TMEM25: variants seen among roughly 807,000 people sequenced by gnomAD.
TMEM25 encodes the protein transmembrane protein 25.
Under a neutral mutation model 37.0 loss-of-function variants are expected in TMEM25, and 36 were observed. The ratio of observed to expected loss-of-function variants is 0.97; its 90% CI spans 0.75 to 1.28. The LOEUF (loss-of-function observed/expected upper bound fraction) is 1.28. Among genes scored for constraint, TMEM25 ranks in the 50% most tolerant of loss-of-function variants. The probability of loss-of-function intolerance (pLI) is 0.00; values close to 1 mark genes in which losing one functional copy is unlikely to be tolerated. For synonymous variants in TMEM25, 197 were observed against 203.7 expected (o/e 0.97, Z 0.28); for missense variants, 444 against 477.9 (o/e 0.93, Z 0.66).
chr11:118,532,269 G>A lies in TMEM25; in HGVS notation c.190G>A (p.Ala64Thr). The A allele has an allele frequency of 6.2e-7, 1 of 1,614,148 alleles. No individual in the cohort carries two copies. Among genetic ancestry groups the A allele is most frequent in the Non-Finnish European group, 8.5e-7 (1 of 1,180,014 alleles). ...AGGGGGGCCTGGCACCCCCAGATTG[G>A]CCTGGTATCTGGATGGACAGCTGCA... ...VAGGPGTPRL[A>T]WYLDGQLQEA... Residue 64 changes from alanine (A) to threonine (T), a missense_variant, in exon 3 of 9, where the codon GCC becomes ACC. Coordinates refer to ENST00000313236, the MANE Select transcript of TMEM25 (RefSeq NM_032780.4).
At chr11:118,531,335 A>T (rs1951245321) in intron 1 of TMEM25, 101 bp downstream of exon 1, 1 of 329,770 alleles carries the variant, frequency 3.0e-6, no homozygotes, top group Non-Finnish European at 5.7e-6. Context: ...CACCAACATC[A>T]GGAAAGGGGG....
downstream of TMEM25, among the ~76,000 whole-genome samples, chr11:118,538,719 C>T (rs1048297202): frequency 6.6e-6 from 1 of 151,772 alleles, no homozygotes; most frequent in Non-Finnish European, 1.5e-5. Context: ...ATGGCAAAAC[C>T]CCATCTCTAC....
In TMEM25 at chr11:118,532,190, G is replaced by A; in HGVS notation, c.111G>A (p.Trp37Ter). The change falls in exon 3 of 9, where the codon TGG becomes TGA. Residue 37 changes from tryptophan to a stop codon, truncating the protein, a stop_gained. Transcript: ENST00000313236. LOFTEE classifies it high-confidence loss of function. The part of the protein sequence containing the change: ...ELEPQIDGQT[W>*]AERALRENER... ...AGCCACAAATAGATGGTCAGACCTG[G>A]GCTGAGCGGGCACTTCGGGAGAATG... 4 of 1,600,200 alleles carry A rather than the reference G, an allele frequency of 2.5e-6. No homozygotes were observed. The highest frequency in any genetic ancestry group is 2.6e-6 in the Non-Finnish European group (3 of 1,172,474).
Position 118,535,235 on chromosome 11 carries a change from T to C in TMEM25, c.*655T>C. On this transcript the variant is annotated 3_prime_UTR_variant, in exon 9 of 9. Transcript: ENST00000313236. ...AGGTTACACGTTGGACCTTCTCTAC[T>C]ACTTCACTGGGCACTAGACTTTTCT... is the stretch of plus-strand genomic sequence containing the variant. The C allele has an allele frequency of 8.7e-7, 1 of 1,147,382 alleles. No homozygotes were observed. Among genetic ancestry groups the C allele is most frequent in the Non-Finnish European group, 1.1e-6 (1 of 933,146 alleles). The allele number at this position is 1,147,382 out of a possible 1,614,324, so 71.1% of individuals were successfully genotyped here. A position where few individuals can be genotyped will look rare whatever the true frequency, so the allele number is the denominator to read the frequency against.
Position 118,535,196 on chromosome 11 carries a change from C to T in TMEM25, c.*616C>T. The T allele has an allele frequency of 1.8e-6, 2 of 1,082,204 alleles. No individual in the cohort carries two copies. Among genetic ancestry groups the T allele is most frequent in the Non-Finnish European group, 2.2e-6 (2 of 892,470 alleles). The allele number at this position is 1,082,204 out of a possible 1,614,324, so 67.0% of individuals were successfully genotyped here. On this transcript the variant is annotated 3_prime_UTR_variant, in exon 9 of 9. Coordinates refer to ENST00000313236, the MANE Select transcript of TMEM25 (RefSeq NM_032780.4). ...ACTTCTTCTCTTCTGTCCCCACCTC[C>T]TCTTGGGAATTCTAGGTTACACGTT...
At chr11:118,533,238 G>T in intron 4 of TMEM25, 31 bp downstream of exon 4, 1 of 1,568,706 alleles carries the variant, frequency 6.4e-7, no homozygotes. Flanking sequence ...GCCCTGCAAA[G>T]CTTCAGGTGG....
downstream of TMEM25, among the ~76,000 whole-genome samples, chr11:118,536,648 C>A (rs911605788): frequency 2.6e-5 from 4 of 152,184 alleles, no homozygotes; most frequent in Admixed American, 2.0e-4. Context: ...GCCGGATTGG[C>A]ATTTTCTATT....
Position 118,531,239 on chromosome 11 carries a change from G to C in TMEM25, c.-28+5G>C, listed in dbSNP as rs558549119. ...GGCGCTCGGGGAGGGAGCCAGGTGA[G>C]CCGCCCCGGTGGCGGGGGGCGGGGG... On this transcript the variant is annotated splice_donor_5th_base_variant and intron_variant, in intron 1 of 8. Transcript: ENST00000313236. 2.4e-5 allele frequency: 10 copies of C among 408,898 alleles called. No individual in the cohort carries two copies. Among genetic ancestry groups the C allele is most frequent in the Middle Eastern group, 5.7e-4 (1 of 1,742 alleles). 25.3% of individuals were successfully genotyped at this position (408,898 alleles called of 1,614,324 possible).
chr11:118,533,342 G>A, intron 4 of TMEM25, 78 bp from the exon 5 acceptor site: 1 of 1,593,696 alleles, frequency 6.3e-7, no homozygotes, highest in Non-Finnish European at 8.6e-7. Flanking sequence ...CCTGGGCAAG[G>A]AGGGCAGAGT....
At chr11:118,531,421 G>C (rs1204303365) in intron 1 of TMEM25, 187 bp downstream of exon 1, 2 of 415,238 alleles carry the variant, frequency 4.8e-6, no homozygotes, top group African/African-American at 4.1e-5. Context: ...ATAGGATTAG[G>C]AGAAAGGCGA....
intron 8 of TMEM25, among the ~76,000 whole-genome samples, chr11:118,544,263 G>A (rs553767426): frequency 6.6e-6 from 1 of 152,250 alleles, no homozygotes; most frequent in South Asian, 2.1e-4. Context: ...CGCTCCCTGA[G>A]ACCAGAACCA....
At chr11:118,545,473 T>C (rs1171496892) in intron 8 of TMEM25, 4 of 1,613,354 alleles carry the variant, frequency 2.5e-6, no homozygotes, top group South Asian at 1.1e-5. Context: ...CCGACTCTTG[T>C]AGACAGGGAT....
Position 118,535,419 on chromosome 11 carries a change from A to G in TMEM25, c.*839A>G. 6.8e-7 allele frequency: 1 copy of G among 1,463,002 alleles called. No homozygotes were observed. Among genetic ancestry groups the G allele is most frequent in the South Asian group, 1.4e-5 (1 of 72,220 alleles). The allele number at this position is 1,463,002 out of a possible 1,614,324, so 90.6% of individuals were successfully genotyped here. A position where few individuals can be genotyped will look rare whatever the true frequency, so the allele number is the denominator to read the frequency against. ...AGGGGAGGGGGTGAGTGAGGGGCCC[A>G]GAGCCCTCTTTGTGGCTTCCCCACG... On this transcript the variant is annotated 3_prime_UTR_variant, in exon 9 of 9. Coordinates refer to ENST00000313236, the MANE Select transcript of TMEM25 (RefSeq NM_032780.4).
rs532480452 is a variant in TMEM25 at position 118,535,582 on chromosome 11, G to A, written c.*1002G>A. Reference sequence around the variant, plus strand: ...TCATCAGCAGGAAGGTGCCCTTCCTGGAGGATGGTCGCCACAGGCACATAA... The same window carrying A: ...TCATCAGCAGGAAGGTGCCCTTCCTAGAGGATGGTCGCCACAGGCACATAA... On this transcript the variant is annotated 3_prime_UTR_variant, in exon 9 of 9. Coordinates refer to ENST00000313236, the MANE Select transcript of TMEM25 (RefSeq NM_032780.4). 2.0e-6 allele frequency: 3 copies of A among 1,535,570 alleles called. No individual in the cohort carries two copies. Among genetic ancestry groups the A allele is most frequent in the South Asian group, 2.4e-5 (2 of 83,948 alleles).
At chr11:118,546,250 C>A (rs1951683177) in exon 9 of TMEM25, 1 of 700,384 alleles carries the variant, frequency 1.4e-6, no homozygotes, top group East Asian at 2.7e-5. Context: ...GTAATACCAG[C>A]ACTGTGGGAG....
intron 8 of TMEM25, among the ~76,000 whole-genome samples, chr11:118,543,808 CCT>C (rs1491458492): frequency 1.4e-5 from 2 of 145,222 alleles, no homozygotes; most frequent in Admixed American, 6.9e-5. Context: ...TTAAACACCC[CCT>C]TTTTTTTTTT....
intron 4 of TMEM25, 66 bp downstream of exon 4, chr11:118,533,273 G>T: frequency 6.4e-7 from 1 of 1,557,716 alleles, no homozygotes; most frequent in East Asian, 2.3e-5. Context: ...TCCCCATACA[G>T]AAATGGGAAT....
intron 8 of TMEM25, among the ~76,000 whole-genome samples, chr11:118,541,883 G>C (rs538289741): frequency 1.3e-5 from 2 of 152,078 alleles, no homozygotes; most frequent in Non-Finnish European, 2.9e-5. Context: ...TCAGCCTCTC[G>C]AGTAGCTGGG....
chr11:118,545,666 G>A, intron 8 of TMEM25: 2 of 1,179,910 alleles, frequency 1.7e-6, no homozygotes, highest in Non-Finnish European at 2.5e-6. Context: ...TGCTGCCAAA[G>A]AGCACAACGG....
Sources: gnomAD v4.1 joint callset for allele counts (sites outside exome capture counted in the v4.1 genomes callset) on GRCh38, gnomAD v4.1.1 for gene constraint, MANE v1.5 for transcripts, NCBI Gene and HGNC (gene_info 2026-07-23, HGNC 2026-07-21) for gene names.